Variants in PCCA observed in about 807,000 individuals in gnomAD.
PCCA encodes propionyl-CoA carboxylase alpha chain, mitochondrial.
In PCCA, 74 loss-of-function variants were observed where a neutral mutation model predicts 101.3. The observed-to-expected ratio is 0.73, with a 90% CI of 0.61 to 0.89. PCCA has a LOEUF of 0.89. PCCA is among the 40% of genes least tolerant of loss of function. PCCA has a pLI of 0.00. For missense variants in PCCA, 891 were observed against 907.0 expected, an observed-to-expected ratio of 0.98 and a Z score of 0.23; for synonymous variants, 294 against 313.6, an observed-to-expected ratio of 0.94 and a Z score of 0.66.
intron 18 of PCCA, among the ~76,000 whole-genome samples, chr13:100,343,886 C>A (rs1334193598): frequency 6.6e-6 from 1 of 152,134 alleles, no homozygotes; most frequent in African/African-American, 2.4e-5. Context: ...ACCAACCTGG[C>A]CAACATGGCG....
chr13:100,416,325 G>A (rs919894955), intron 19 of PCCA, among the ~76,000 whole-genome samples: 18 of 151,636 alleles, frequency 1.2e-4, no homozygotes, highest in African/African-American at 4.4e-4. Flanking sequence ...GGGATTACAG[G>A]TGCCCACGAC....
At chr13:100,121,677 C>T (rs1276840417) in intron 4 of PCCA, among the ~76,000 whole-genome samples, 3 of 151,002 alleles carry the variant, frequency 2.0e-5, no homozygotes, top group Non-Finnish European at 3.0e-5. Context: ...AGTTTCACCA[C>T]GTTGACCAGG....
intron 19 of PCCA, among the ~76,000 whole-genome samples, chr13:100,373,478 T>C (rs771976104): frequency 1.3e-5 from 2 of 152,202 alleles, no homozygotes; most frequent in Non-Finnish European, 2.9e-5. Context: ...GACATTATGC[T>C]AGGTTATAAG....
chr13:100,141,409 T>G (rs9585362), intron 4 of PCCA, among the ~76,000 whole-genome samples: 1 of 150,696 alleles, frequency 6.6e-6, no homozygotes, highest in Non-Finnish European at 1.5e-5. Flanking sequence ...ATTTATTTAT[T>G]TATGTATTTA....
chr13:100,142,745 A>C (rs974135657), intron 4 of PCCA, among the ~76,000 whole-genome samples: 2 of 152,122 alleles, frequency 1.3e-5, no homozygotes, highest in Non-Finnish European at 2.9e-5. Context: ...AAGTGCTGGG[A>C]TTACAGGCAT....
At chr13:100,365,865 C>T (rs1177146539) in intron 18 of PCCA, among the ~76,000 whole-genome samples, 2 of 152,184 alleles carry the variant, frequency 1.3e-5, no homozygotes, top group Non-Finnish European at 1.5e-5. Context: ...CAGTTTGCTC[C>T]GGGTTTTGTG....
intron 4 of PCCA, among the ~76,000 whole-genome samples, chr13:100,147,154 T>G (rs2052679929): frequency 6.6e-6 from 1 of 152,230 alleles, no homozygotes; most frequent in African/African-American, 2.4e-5. Flanking sequence ...TAGGTAAGTT[T>G]GGAAGGACAC....
At chr13:100,168,912 G>A (rs1381401933) in intron 6 of PCCA, among the ~76,000 whole-genome samples, 1 of 152,134 alleles carries the variant, frequency 6.6e-6, no homozygotes, top group Non-Finnish European at 1.5e-5. Context: ...TTAAGCCATT[G>A]TAAACTGAGG....
chr13:100,365,925 C>G (rs1375880350), intron 18 of PCCA, among the ~76,000 whole-genome samples: 2 of 152,212 alleles, frequency 1.3e-5, no homozygotes, highest in Admixed American at 1.3e-4. Flanking sequence ...CTGTCTTGCT[C>G]TCTGCCTCAT....
intron 1 of PCCA, among the ~76,000 whole-genome samples, chr13:100,093,560 G>GAA (rs2046469434): frequency 1.3e-5 from 2 of 152,234 alleles, no homozygotes; most frequent in Non-Finnish European, 2.9e-5. Context: ...ACAGAGGAGA[G>GAA]AAAAAGAAAT....
At chr13:100,408,716 A>G (rs1195818271) in intron 19 of PCCA, among the ~76,000 whole-genome samples, 2 of 152,254 alleles carry the variant, frequency 1.3e-5, no homozygotes, top group African/African-American at 4.8e-5. Context: ...CCATGCCCTC[A>G]GGATGTAAAA....
intron 14 of PCCA, chr13:100,305,763 CTG>C (rs2066394004): frequency 2.4e-6 from 1 of 411,944 alleles, no homozygotes; most frequent in Non-Finnish European, 4.9e-6. Context: ...TTTGTCAACA[CTG>C]TGAATTTCAT....
At position 100,416,383 on chromosome 13, in the gene PCCA, T is replaced by C. The variant is rs568637224; in HGVS notation, c.1747-9250T>C. On this transcript the variant is annotated intron_variant, in intron 19 of 23. Transcript: ENST00000376285. The stretch of plus-strand genomic sequence containing the variant: ...TTTTAGTAGAGAGAAAGTTTCACCA[T>C]GTTGGCCAGGCTAGTCTCGAACTGT... 3.0e-4 allele frequency among the ~76,000 whole-genome samples: 46 copies of C among 152,186 alleles called. No individual in the cohort carries two copies. In the South Asian group the frequency reaches 8.9e-3, roughly 30 times the overall value.
At chr13:100,450,790 G>A (rs1316576202) in intron 21 of PCCA, among the ~76,000 whole-genome samples, 1 of 152,146 alleles carries the variant, frequency 6.6e-6, no homozygotes, top group African/African-American at 2.4e-5. Context: ...TAAATTTTAA[G>A]TATTGGAACT....
At chr13:100,090,581 T>A (rs1416208939) in intron 1 of PCCA, among the ~76,000 whole-genome samples, 4 of 152,158 alleles carry the variant, frequency 2.6e-5, no homozygotes, top group African/African-American at 9.7e-5. Flanking sequence ...TTCTGGGGAA[T>A]GAATATGGTT....
chr13:100,402,650 A>G (rs760545814), intron 19 of PCCA, among the ~76,000 whole-genome samples: 3 of 152,146 alleles, frequency 2.0e-5, no homozygotes, highest in Non-Finnish European at 2.9e-5. Flanking sequence ...GTACATTGAG[A>G]TATAAAGTGT....
At chr13:100,516,685 C>T (rs1419327418) in intron 22 of PCCA, among the ~76,000 whole-genome samples, 1 of 152,000 alleles carries the variant, frequency 6.6e-6, no homozygotes. Context: ...CTCTTTAAGA[C>T]TGTCTAATGC....
chr13:100,288,658 G>A (rs2064887274), intron 12 of PCCA, among the ~76,000 whole-genome samples: 2 of 152,254 alleles, frequency 1.3e-5, no homozygotes. Flanking sequence ...GTTTGGACAA[G>A]TGTATCTACC....
intron 22 of PCCA, among the ~76,000 whole-genome samples, chr13:100,523,146 G>A (rs2087446186): frequency 6.6e-6 from 1 of 152,198 alleles, no homozygotes; most frequent in Non-Finnish European, 1.5e-5. Context: ...CTGAGAGGGG[G>A]CATGTGCGGG....
Sources: allele counts gnomAD v4.1 joint callset (sites outside exome capture counted in the v4.1 genomes callset), GRCh38; gene constraint gnomAD v4.1.1; transcripts MANE v1.5; gene names NCBI Gene and HGNC (gene_info 2026-07-23, HGNC 2026-07-21).